RHOA: variants seen among roughly 807,000 people sequenced by gnomAD.
RHOA encodes the protein ras homolog family member A.
A neutral mutation model predicts 17.5 loss-of-function variants in RHOA; 3 were observed. The observed-to-expected ratio is 0.17, with a 90% confidence interval of 0.08 to 0.44. RHOA has a LOEUF of 0.44. Ranked by LOEUF, RHOA falls within the 20% of genes least tolerant of loss-of-function variation. The pLI, the probability that RHOA is intolerant of heterozygous loss-of-function variation, is 0.99. For missense variants in RHOA, 56 were observed against 242.3 expected, an observed-to-expected ratio of 0.23 and a Z score of 5.10; for synonymous variants, 98 against 88.4, an observed-to-expected ratio of 1.11 and a Z score of -0.61.
At chr3:49,365,622 A>AC (rs1160408230) in intron 3 of RHOA, among the ~76,000 whole-genome samples, 4 of 132,886 alleles carry the variant, frequency 3.0e-5, no homozygotes, top group Admixed American at 8.3e-5. Flanking sequence ...CAAGAGTCTC[A>AC]CTCTGTCACC....
At chr3:49,360,703 C>T (rs2047952268) in intron 4 of RHOA, among the ~76,000 whole-genome samples, 1 of 151,818 alleles carries the variant, frequency 6.6e-6, no homozygotes, top group Non-Finnish European at 1.5e-5. Flanking sequence ...AAGTGATCTG[C>T]CCACCTCGGC....
rs1045188290 is a variant in RHOA, at chr3:49,388,331, T to A, written c.-2-12740A>T. 2.0e-5 allele frequency among the ~76,000 whole-genome samples: 3 copies of A among 152,120 alleles called. No homozygotes were observed. In the East Asian group the frequency reaches 5.8e-4, roughly 29 times the overall value. On this transcript the variant is annotated intron_variant, in intron 1 of 4. Transcript: ENST00000418115. ...GGTGGGATTATAATAGGTGGAGCCA[T>A]GACATCCAGCCAGCTGTGGCTTTCT...
chr3:49,401,558 C>A (rs1256650331), intron 1 of RHOA, among the ~76,000 whole-genome samples: 37 of 131,936 alleles, frequency 2.8e-4, no homozygotes, highest in African/African-American at 3.4e-4. Flanking sequence ...AACTCTGTCT[C>A]AAAAAAAAAA....
chr3:49,405,759 A>G (rs1441199771), intron 1 of RHOA, among the ~76,000 whole-genome samples: 1 of 152,110 alleles, frequency 6.6e-6, no homozygotes, highest in East Asian at 1.9e-4. Flanking sequence ...ATCTTGGCTC[A>G]CTGCAACCTG....
intron 1 of RHOA, among the ~76,000 whole-genome samples, chr3:49,401,479 C>A (rs1377605135): frequency 6.6e-6 from 1 of 151,356 alleles, no homozygotes; most frequent in Non-Finnish European, 1.5e-5. Flanking sequence ...ATGGCGAAAC[C>A]TCTGGGAGGC....
At chr3:49,390,869 G>A (rs1247798313) in intron 1 of RHOA, among the ~76,000 whole-genome samples, 2 of 151,882 alleles carry the variant, frequency 1.3e-5, no homozygotes, top group East Asian at 3.9e-4. Context: ...GATTACTTGA[G>A]GTCAGGAGTT....
intron 1 of RHOA, among the ~76,000 whole-genome samples, chr3:49,393,803 G>A (rs2048564985): frequency 1.3e-5 from 2 of 151,186 alleles, no homozygotes; most frequent in Non-Finnish European, 1.5e-5. Flanking sequence ...TCCGCCTCCC[G>A]GGTTCAAGCA....
In RHOA at chr3:49,367,200, G is replaced by A. The variant is rs1007613507; in HGVS notation, c.277+1228C>T. Among the ~76,000 whole-genome samples the A allele has an allele frequency of 7.3e-5, 11 of 151,694 alleles. No individual in the cohort carries two copies. In the South Asian group the frequency reaches 1.0e-3, roughly 14 times the overall value. On this transcript the variant is annotated intron_variant, in intron 3 of 4. Coordinates refer to ENST00000418115, the MANE Select transcript of RHOA (RefSeq NM_001664.4). The stretch of plus-strand genomic sequence containing the variant: ...TACTAAAAAATACAAAAAATTAGCC[G>A]GGCGTGGTGGTGGCCACCTGTAGTC...
chr3:49,368,341 T>C, intron 3 of RHOA, 87 bp downstream of exon 3: 5 of 1,501,342 alleles, frequency 3.3e-6, no homozygotes, highest in Non-Finnish European at 3.7e-6. Flanking sequence ...GAAGTTCATG[T>C]CTGCTTTTCA....
rs2048775544 is a variant in RHOA, at chr3:49,404,306, A to AG, written c.-3+7513_-3+7514insC. 1.7e-3 allele frequency among the ~76,000 whole-genome samples: 12 copies of AG among 6,910 alleles called. No homozygotes were observed. In the Non-Finnish European group the frequency reaches 0.044, roughly 25 times the overall value. 4.5% of individuals were successfully genotyped at this position (6,910 alleles called of 152,430 possible). A position where few individuals can be genotyped will look rare whatever the true frequency, so the allele number is the denominator to read the frequency against. ...TGACAAAACAAGACCTTATCTCTCC[A>AG]AAAAAAAGCCAGGCGCAGTGGCTCA... is the stretch of plus-strand genomic sequence containing the variant. On this transcript the variant is annotated intron_variant, in intron 1 of 4. Coordinates refer to ENST00000418115, the MANE Select transcript of RHOA (RefSeq NM_001664.4).
chr3:49,379,278 C>G (rs1412463582), intron 1 of RHOA, among the ~76,000 whole-genome samples: 1 of 152,052 alleles, frequency 6.6e-6, no homozygotes, highest in East Asian at 1.9e-4. Context: ...AACCCAGTCA[C>G]AAAAACCAAC....
intron 1 of RHOA, among the ~76,000 whole-genome samples, chr3:49,379,202 T>C (rs1279073879): frequency 6.6e-6 from 1 of 152,108 alleles, no homozygotes; most frequent in Non-Finnish European, 1.5e-5. Context: ...TATTCAGCGA[T>C]AAAGGATAAA....
chr3:49,362,426 G>C (rs2047987365), intron 4 of RHOA, 70 bp downstream of exon 4: 1 of 1,476,894 alleles, frequency 6.8e-7, no homozygotes, highest in Non-Finnish European at 9.0e-7. Flanking sequence ...TTCCTGCTGG[G>C]CTCCCCAAAC....
chr3:49,404,551 G>A (rs373276891), intron 1 of RHOA, among the ~76,000 whole-genome samples: 12 of 134,090 alleles, frequency 8.9e-5, no homozygotes, highest in Admixed American at 2.6e-4. Context: ...GGCAGAGATT[G>A]CAGTGAGCCG....
chr3:49,376,751 C>T (rs1167158177), intron 1 of RHOA, among the ~76,000 whole-genome samples: 1 of 151,874 alleles, frequency 6.6e-6, no homozygotes, highest in African/African-American at 2.4e-5. Context: ...AAAAAGTCAT[C>T]GGCAGGTTGT....
chr3:49,396,303 G>A (rs889995846), intron 1 of RHOA, among the ~76,000 whole-genome samples: 9 of 152,168 alleles, frequency 5.9e-5, no homozygotes, highest in Non-Finnish European at 1.2e-4. Flanking sequence ...GCCAGGCCTG[G>A]TGGCTCACGC....
chr3:49,375,179 G>T (rs924081700), intron 2 of RHOA, among the ~76,000 whole-genome samples: 1 of 151,814 alleles, frequency 6.6e-6, no homozygotes, highest in Non-Finnish European at 1.5e-5. Flanking sequence ...AGAATCACTT[G>T]AACCTGGGAG....
At chr3:49,397,337 T>C (rs758326111) in intron 1 of RHOA, among the ~76,000 whole-genome samples, 1 of 152,054 alleles carries the variant, frequency 6.6e-6, no homozygotes, top group Non-Finnish European at 1.5e-5. Flanking sequence ...AAGATGACAG[T>C]TGAAGAACAT....
At chr3:49,380,231 T>TG (rs2048294823) in intron 1 of RHOA, among the ~76,000 whole-genome samples, 1 of 152,090 alleles carries the variant, frequency 6.6e-6, no homozygotes, top group African/African-American at 2.4e-5. Context: ...TGCCATACCG[T>TG]GGGGCTGGAA....
Sources: allele counts gnomAD v4.1 joint callset (sites outside exome capture counted in the v4.1 genomes callset), GRCh38; gene constraint gnomAD v4.1.1; transcripts MANE v1.5; gene names NCBI Gene and HGNC (gene_info 2026-07-23, HGNC 2026-07-21).